The following CNTLN variants were observed in gnomAD, a reference collection of about 807,000 sequenced individuals.
CNTLN encodes the protein centlein.
In CNTLN, 212 loss-of-function variants were observed where a neutral mutation model predicts 180.0. The ratio of observed to expected loss-of-function variants is 1.18; its 90% CI spans 1.05 to 1.32. CNTLN has a LOEUF of 1.32. Ranked by LOEUF, CNTLN falls within the 40% of genes most tolerant of loss-of-function variation. The pLI, the probability that CNTLN is intolerant of heterozygous loss-of-function variation, is 0.00. For synonymous variants in CNTLN, 722 were observed against 563.1 expected, an observed-to-expected ratio of 1.28 and a Z score of -3.99; for missense variants, 2,095 against 1,610.9, an observed-to-expected ratio of 1.30 and a Z score of -5.14.
At chr9:17,350,557 G>A (rs572237998) in intron 12 of CNTLN, among the ~76,000 whole-genome samples, 4 of 152,090 alleles carry the variant, frequency 2.6e-5, no homozygotes, top group African/African-American at 4.8e-5. Context: ...AAGAGGTAAC[G>A]CAAATCTCTT....
intron 2 of CNTLN, among the ~76,000 whole-genome samples, chr9:17,162,711 G>A (rs1416810068): frequency 1.3e-5 from 2 of 152,194 alleles, no homozygotes; most frequent in East Asian, 3.9e-4. Flanking sequence ...TGAGGATGGA[G>A]GGAGGGAAGT....
At chr9:17,247,629 G>C (rs899458294) in intron 5 of CNTLN, among the ~76,000 whole-genome samples, 1 of 152,134 alleles carries the variant, frequency 6.6e-6, no homozygotes, top group Non-Finnish European at 1.5e-5. Context: ...TCTTAAGAAG[G>C]TACTTTTTTG....
chr9:17,447,300 C>G (rs1830497052), intron 18 of CNTLN: 1 of 201,586 alleles, frequency 5.0e-6, no homozygotes, highest in Admixed American at 4.6e-5. Context: ...ATACATTCAG[C>G]CAGCTCACGA....
chr9:17,233,125 A>G (rs1244608967), intron 3 of CNTLN, among the ~76,000 whole-genome samples: 2 of 152,098 alleles, frequency 1.3e-5, no homozygotes, highest in Non-Finnish European at 2.9e-5. Flanking sequence ...TGACTTAGCA[A>G]TTTCACTTTT....
chr9:17,237,689 C>G (rs10962925), intron 5 of CNTLN, among the ~76,000 whole-genome samples: 30,272 of 151,782 alleles, frequency 0.2, 3,715 homozygotes, highest in African/African-American at 0.34. Context: ...TATTTGGAGA[C>G]CCCTGGCTGG....
At chr9:17,334,295 A>G (rs1195416124) in intron 10 of CNTLN, among the ~76,000 whole-genome samples, 1 of 151,860 alleles carries the variant, frequency 6.6e-6, no homozygotes, top group Non-Finnish European at 1.5e-5. Context: ...CCTGACCTCA[A>G]ATGATCCTCC....
chr9:17,283,032 G>A (rs560733469), intron 6 of CNTLN, among the ~76,000 whole-genome samples: 3 of 152,242 alleles, frequency 2.0e-5, no homozygotes, highest in African/African-American at 7.2e-5. Context: ...AATGCCACTG[G>A]CTTTGTTCTT....
At chr9:17,314,583 A>G (rs1819420069) in intron 8 of CNTLN, among the ~76,000 whole-genome samples, 1 of 152,134 alleles carries the variant, frequency 6.6e-6, no homozygotes, top group Non-Finnish European at 1.5e-5. Context: ...TTTTCCCCTC[A>G]ATTTGTAGCT....
intron 25 of CNTLN, chr9:17,494,876 CTTTTTTTTTTTT>C: frequency 3.7e-6 from 1 of 272,834 alleles, no homozygotes; most frequent in Non-Finnish European, 6.6e-6. Flanking sequence ...CTATACCATA[CTTTTTTTTTTTT>C]TTTTTTTTTT....
chr9:17,331,723 A>G (rs931824435), intron 9 of CNTLN, among the ~76,000 whole-genome samples: 1 of 151,982 alleles, frequency 6.6e-6, no homozygotes, highest in African/African-American at 2.4e-5. Context: ...TTTTCAGAAA[A>G]TGAGATTTAT....
chr9:17,305,731 C>G (rs2132870218), intron 7 of CNTLN, among the ~76,000 whole-genome samples: 1 of 152,226 alleles, frequency 6.6e-6, no homozygotes, highest in South Asian at 2.1e-4. Flanking sequence ...AAGTTTACTG[C>G]TGGACTGAGG....
intron 1 of CNTLN, among the ~76,000 whole-genome samples, chr9:17,136,040 A>T (rs967022682): frequency 1.3e-5 from 2 of 152,136 alleles, no homozygotes; most frequent in Admixed American, 1.3e-4. Flanking sequence ...TTTTCATGTG[A>T]TCTTGCCAGT....
intron 18 of CNTLN, among the ~76,000 whole-genome samples, chr9:17,456,648 C>A (rs1386309484): frequency 6.6e-6 from 1 of 151,990 alleles, no homozygotes; most frequent in African/African-American, 2.4e-5. Context: ...AGATTTTTCC[C>A]CCTCTGAGAG....
At chr9:17,367,807 G>A (rs1011009708) in intron 13 of CNTLN, among the ~76,000 whole-genome samples, 1 of 152,054 alleles carries the variant, frequency 6.6e-6, no homozygotes, top group Non-Finnish European at 1.5e-5. Flanking sequence ...ATCACCTACT[G>A]ACTGAAGAGC....
chr9:17,306,141 C>T (rs1021493454), intron 7 of CNTLN, among the ~76,000 whole-genome samples: 2 of 135,198 alleles, frequency 1.5e-5, no homozygotes, highest in Non-Finnish European at 3.1e-5. Flanking sequence ...TGCTATTAGT[C>T]GTCTATTTTT....
At chr9:17,208,200 T>C (rs1823055020) in intron 2 of CNTLN, among the ~76,000 whole-genome samples, 1 of 152,218 alleles carries the variant, frequency 6.6e-6, no homozygotes, top group Non-Finnish European at 1.5e-5. Flanking sequence ...TATGAACTGC[T>C]TTTTCACGTG....
intron 2 of CNTLN, among the ~76,000 whole-genome samples, chr9:17,200,719 C>T (rs1822462871): frequency 6.6e-6 from 1 of 152,144 alleles, no homozygotes; most frequent in Non-Finnish European, 1.5e-5. Flanking sequence ...TGCTTACCAG[C>T]ATAAGGAGTT....
intron 18 of CNTLN, among the ~76,000 whole-genome samples, chr9:17,435,461 A>G (rs2584535): frequency 0.42 from 64,228 of 152,098 alleles, 16,019 homozygotes; most frequent in Non-Finnish European, 0.55. Flanking sequence ...ATGGCTGTTA[A>G]GACTATGATT....
At chr9:17,490,697 A>T (rs555466343) in intron 25 of CNTLN, among the ~76,000 whole-genome samples, 190 of 152,222 alleles carry the variant, frequency 1.2e-3, no homozygotes, top group African/African-American at 4.5e-3. Flanking sequence ...AATGATTTAT[A>T]TACTTTAAAA....
Sources: allele counts gnomAD v4.1 joint callset (sites outside exome capture counted in the v4.1 genomes callset), GRCh38; gene constraint gnomAD v4.1.1; transcripts MANE v1.5; gene names NCBI Gene and HGNC (gene_info 2026-07-23, HGNC 2026-07-21).